GPBP1: variants seen among roughly 807,000 people sequenced by gnomAD.
GPBP1 encodes GC-rich promoter binding protein 1.
In GPBP1, 13 loss-of-function variants were observed where a neutral mutation model predicts 56.5. The ratio of observed to expected loss-of-function variants is 0.23; its 90% confidence interval spans 0.15 to 0.37. The LOEUF (loss-of-function observed/expected upper bound fraction) is 0.37. Ranked by LOEUF, GPBP1 falls within the 10% of genes least tolerant of loss-of-function variation. The pLI, the probability that GPBP1 is intolerant of heterozygous loss-of-function variation, is 1.00. For missense variants in GPBP1, 477 were observed against 572.3 expected (o/e 0.83, Z 1.70); for synonymous variants, 204 against 188.9 (o/e 1.08, Z -0.66).
At chr5:57,231,787 A>T (rs1756471903) in intron 5 of GPBP1, among the ~76,000 whole-genome samples, 2 of 152,202 alleles carry the variant, frequency 1.3e-5, no homozygotes, top group South Asian at 4.1e-4. Context: ...TTCTTGGCAC[A>T]CGCAATACAT....
rs1287247087 is a variant in GPBP1, at chr5:57,264,428, A to G, written c.*1676A>G. 1.3e-5 allele frequency: 2 copies of G among 152,088 alleles called. No individual in the cohort carries two copies. Among genetic ancestry groups the G allele is most frequent in the Non-Finnish European group, 2.9e-5 (2 of 67,994 alleles). The allele number at this position is 152,088 out of a possible 1,614,324, so 9.4% of individuals were successfully genotyped here. ...AGATTAATGAAATTTATCAGATACAACCTGTATTTCCAAAAACAAGCTAGA... is the reference window on the plus strand; with the variant it reads ...AGATTAATGAAATTTATCAGATACAGCCTGTATTTCCAAAAACAAGCTAGA... On this transcript the variant is annotated 3_prime_UTR_variant, in exon 12 of 12. Coordinates refer to ENST00000506184, the MANE Select transcript of GPBP1 (RefSeq NM_022913.4).
chr5:57,194,657 C>A (rs546293697), intron 2 of GPBP1, among the ~76,000 whole-genome samples: 6 of 152,130 alleles, frequency 3.9e-5, no homozygotes, highest in African/African-American at 1.4e-4. Flanking sequence ...CGCTCTTTAT[C>A]TCCCCAACCT....
At chr5:57,194,522 T>C (rs1440230413) in intron 2 of GPBP1, among the ~76,000 whole-genome samples, 3 of 152,232 alleles carry the variant, frequency 2.0e-5, no homozygotes, top group African/African-American at 7.2e-5. Context: ...TAATTTTCTA[T>C]ATTAGGAACA....
At chr5:57,233,011 A>G (rs1261422751) in intron 5 of GPBP1, among the ~76,000 whole-genome samples, 2 of 152,232 alleles carry the variant, frequency 1.3e-5, no homozygotes. Flanking sequence ...AGGTCATCAA[A>G]GTACAGAATT....
At chr5:57,250,085 T>C (rs1421257125) in intron 9 of GPBP1, among the ~76,000 whole-genome samples, 1 of 141,966 alleles carries the variant, frequency 7.0e-6, no homozygotes, top group Non-Finnish European at 1.5e-5. Flanking sequence ...AAGCAATTCT[T>C]GTTCCTCAGC....
intron 5 of GPBP1, among the ~76,000 whole-genome samples, chr5:57,234,223 T>C (rs1299512904): frequency 1.3e-5 from 2 of 152,220 alleles, no homozygotes; most frequent in African/African-American, 4.8e-5. Context: ...ATTAAGTACC[T>C]TCTTTAAAAG....
chr5:57,212,351 A>G (rs1332220796), intron 2 of GPBP1, among the ~76,000 whole-genome samples: 1 of 152,244 alleles, frequency 6.6e-6, no homozygotes, highest in Non-Finnish European at 1.5e-5. Flanking sequence ...AAAATCTTTT[A>G]TAAATTTTCA....
chr5:57,230,678 G>A (rs772018957), intron 3 of GPBP1, 168 bp from the exon 4 acceptor site: 11 of 645,112 alleles, frequency 1.7e-5, no homozygotes, highest in South Asian at 1.3e-4. Flanking sequence ...ATGGACCATC[G>A]GTGAATCCAT....
At chr5:57,183,282 G>A (rs953351561) in intron 2 of GPBP1, among the ~76,000 whole-genome samples, 2 of 152,082 alleles carry the variant, frequency 1.3e-5, no homozygotes, top group Non-Finnish European at 2.9e-5. Flanking sequence ...CAGGAGAGTC[G>A]CTTGAACCCA....
At chr5:57,190,350 C>T (rs900240452) in intron 2 of GPBP1, among the ~76,000 whole-genome samples, 34 of 151,916 alleles carry the variant, frequency 2.2e-4, no homozygotes, top group Middle Eastern at 3.4e-3. Flanking sequence ...TTTGGGAGGC[C>T]GAGGCAGGTG....
At chr5:57,201,971 G>A (rs924780707) in intron 2 of GPBP1, among the ~76,000 whole-genome samples, 4 of 152,086 alleles carry the variant, frequency 2.6e-5, no homozygotes, top group Admixed American at 6.6e-5. Context: ...ATAATTCTGC[G>A]TTTTTTAAAT....
chr5:57,176,599 G>C (rs543755952), intron 2 of GPBP1, among the ~76,000 whole-genome samples, 199 bp downstream of exon 2: 1 of 152,260 alleles, frequency 6.6e-6, no homozygotes, highest in South Asian at 2.1e-4. Context: ...TAAGGCTTAG[G>C]AACTTTTCAG....
chr5:57,190,624 A>G (rs1358264356), intron 2 of GPBP1, among the ~76,000 whole-genome samples: 2 of 149,424 alleles, frequency 1.3e-5, no homozygotes, highest in Non-Finnish European at 3.0e-5. Flanking sequence ...TTATGTGTCT[A>G]GAATTAAATA....
intron 2 of GPBP1, among the ~76,000 whole-genome samples, chr5:57,197,557 C>G (rs1305069817): frequency 6.6e-6 from 1 of 151,988 alleles, no homozygotes; most frequent in Non-Finnish European, 1.5e-5. Context: ...TGGGGTTTTG[C>G]CATGTTGGCC....
chr5:57,192,290 G>C (rs1754560082), intron 2 of GPBP1, among the ~76,000 whole-genome samples: 1 of 152,046 alleles, frequency 6.6e-6, no homozygotes, highest in Non-Finnish European at 1.5e-5. Context: ...TTCCTGTTAA[G>C]TACTTCTGAG....
At chr5:57,175,295 G>A (rs541186111) in intron 1 of GPBP1, among the ~76,000 whole-genome samples, 153 bp from the exon 2 acceptor site, 1 of 152,150 alleles carries the variant, frequency 6.6e-6, no homozygotes, top group Non-Finnish European at 1.5e-5. Context: ...ACTTTTATCG[G>A]GTGCTTGCTT....
At chr5:57,228,587 C>CA (rs11387889) in intron 3 of GPBP1, among the ~76,000 whole-genome samples, 152,208 of 152,212 alleles carry the variant, frequency 1, 76,102 homozygotes, top group Middle Eastern at 1. Context: ...CTGGCTTGGG[C>CA]ATATAGATCT....
chr5:57,224,128 C>A (rs1188576759), intron 3 of GPBP1, among the ~76,000 whole-genome samples: 1 of 151,872 alleles, frequency 6.6e-6, no homozygotes, highest in African/African-American at 2.4e-5. Context: ...CCACCGCGCC[C>A]GGCCTTAAAT....
chr5:57,206,044 G>T (rs535518751), intron 2 of GPBP1, among the ~76,000 whole-genome samples: 2 of 152,288 alleles, frequency 1.3e-5, no homozygotes, highest in East Asian at 3.9e-4. Context: ...GGGATTACAG[G>T]CACAAGCCAT....
Sources: allele counts gnomAD v4.1 joint callset (sites outside exome capture counted in the v4.1 genomes callset), GRCh38; gene constraint gnomAD v4.1.1; transcripts MANE v1.5; gene names NCBI Gene and HGNC (gene_info 2026-07-23, HGNC 2026-07-21).